Variants in PTPRD observed in about 807,000 individuals in gnomAD.
PTPRD encodes the protein receptor-type tyrosine-protein phosphatase delta.
PTPRD carries 34 observed loss-of-function variants against 214.5 expected under a neutral mutation model. The observed-to-expected ratio is 0.16, with a 90% CI of 0.12 to 0.21. The LOEUF (loss-of-function observed/expected upper bound fraction) is 0.21. PTPRD is among the 10% of genes least tolerant of loss of function. The probability of loss-of-function intolerance (pLI) is 1.00; values close to 1 mark genes in which losing one functional copy is unlikely to be tolerated. For missense variants in PTPRD, 2,545 were observed against 2,398.7 expected (o/e 1.06, Z -1.27); for synonymous variants, 1,128 against 845.7 (o/e 1.33, Z -5.79).
intron 2 of PTPRD, among the ~76,000 whole-genome samples, chr9:10,357,356 A>G (rs1396404367): frequency 6.6e-6 from 1 of 152,154 alleles, no homozygotes; most frequent in African/African-American, 2.4e-5. Flanking sequence ...TCGTTCCTTG[A>G]TAATAATTGG....
intron 11 of PTPRD, among the ~76,000 whole-genome samples, chr9:8,967,931 G>A (rs2099209200): frequency 1.3e-5 from 2 of 152,034 alleles, no homozygotes; most frequent in African/African-American, 2.4e-5. Context: ...AGGCCCCGGT[G>A]TGTGATGTTC....
chr9:10,447,158 T>C (rs981905708), intron 2 of PTPRD, among the ~76,000 whole-genome samples: 1 of 150,398 alleles, frequency 6.6e-6, no homozygotes, highest in African/African-American at 2.5e-5. Context: ...AAGTCTCCTT[T>C]CTAGATCTCC....
intron 10 of PTPRD, among the ~76,000 whole-genome samples, chr9:9,158,523 C>A (rs1396150933): frequency 6.6e-6 from 1 of 152,044 alleles, no homozygotes; most frequent in East Asian, 1.9e-4. Context: ...TTGCTTGAAC[C>A]CGGTAGGCAG....
intron 35 of PTPRD, among the ~76,000 whole-genome samples, chr9:8,425,450 G>A (rs904393454): frequency 9.3e-6 from 1 of 108,038 alleles, no homozygotes; most frequent in Non-Finnish European, 1.9e-5. Flanking sequence ...GCATGACCCT[G>A]AGCTGCAATG....
chr9:9,309,720 C>T (rs758595319), intron 9 of PTPRD, among the ~76,000 whole-genome samples: 7 of 152,142 alleles, frequency 4.6e-5, no homozygotes, highest in South Asian at 2.1e-4. Flanking sequence ...AATGGTACAA[C>T]GTTATTCTGC....
intron 5 of PTPRD, among the ~76,000 whole-genome samples, chr9:9,827,569 G>A (rs1044367940): frequency 2.6e-5 from 4 of 152,170 alleles, no homozygotes; most frequent in East Asian, 1.9e-4. Flanking sequence ...AGAAAACCTA[G>A]GCAATACCAT....
intron 10 of PTPRD, among the ~76,000 whole-genome samples, chr9:9,120,364 T>A (rs773188664): frequency 6.6e-6 from 1 of 152,206 alleles, no homozygotes; most frequent in Admixed American, 6.5e-5. Context: ...CAGGCACTTG[T>A]GGTGCTTTAG....
chr9:10,206,002 T>C (rs2099473766), intron 3 of PTPRD, among the ~76,000 whole-genome samples: 1 of 149,466 alleles, frequency 6.7e-6, no homozygotes. Flanking sequence ...GTCTGATATG[T>C]AAATCAACAA....
intron 9 of PTPRD, among the ~76,000 whole-genome samples, chr9:9,323,596 T>C (rs1967888635): frequency 6.6e-6 from 1 of 152,274 alleles, no homozygotes; most frequent in East Asian, 1.9e-4. Context: ...CATCATACTA[T>C]CTTATCTCAA....
At chr9:9,636,254 G>A (rs764495268) in intron 7 of PTPRD, among the ~76,000 whole-genome samples, 3 of 152,082 alleles carry the variant, frequency 2.0e-5, no homozygotes, top group Non-Finnish European at 4.4e-5. Flanking sequence ...GTATTTCCAT[G>A]GTACAGACTT....
chr9:8,873,378 T>G (rs2098335309), intron 11 of PTPRD, among the ~76,000 whole-genome samples: 1 of 152,196 alleles, frequency 6.6e-6, no homozygotes, highest in Admixed American at 6.5e-5. Context: ...AATTATTTCT[T>G]TAATATCTTC....
chr9:9,330,441 T>C (rs1439613223), intron 9 of PTPRD, among the ~76,000 whole-genome samples: 1 of 152,158 alleles, frequency 6.6e-6, no homozygotes, highest in African/African-American at 2.4e-5. Context: ...TTATATTCTA[T>C]ACATATAATT....
intron 11 of PTPRD, among the ~76,000 whole-genome samples, chr9:8,869,682 C>T (rs528959018): frequency 2.1e-4 from 32 of 150,532 alleles, no homozygotes; most frequent in African/African-American, 6.9e-4. Context: ...AAGAAGCTAG[C>T]GGCCTTTTTC....
At chr9:8,934,314 G>C (rs2098973948) in intron 11 of PTPRD, among the ~76,000 whole-genome samples, 1 of 147,368 alleles carries the variant, frequency 6.8e-6, no homozygotes, top group South Asian at 2.1e-4. Context: ...CCGAAATCAA[G>C]CCCTGCAGAC....
rs377081250 is a variant in PTPRD at position 9,344,028 on chromosome 9, T to C, written c.-203+53421A>G. ...TATGTATCTTAGGTGCTATATATGTTTATCTTCTAGATAGCCAAGTATACT... is the reference window on the plus strand; with the variant it reads ...TATGTATCTTAGGTGCTATATATGTCTATCTTCTAGATAGCCAAGTATACT... On this transcript the variant is annotated intron_variant, in intron 9 of 45. Coordinates refer to ENST00000381196, the MANE Select transcript of PTPRD (RefSeq NM_002839.4). Among the ~76,000 whole-genome samples the C allele has an allele frequency of 5.3e-5, 8 of 152,150 alleles. No individual in the cohort carries two copies. The East Asian group carries it at 9.6e-4, about 18-fold the overall frequency.
rs375539497 is a variant in PTPRD, at chr9:8,460,291, T to C, written c.3875+120A>G. The C allele has an allele frequency of 3.9e-4, 459 of 1,183,880 alleles. 1 individual carries two copies. Among genetic ancestry groups the C allele is most frequent in the Non-Finnish European group, 4.9e-4 (393 of 798,440 alleles). The allele number at this position is 1,183,880 out of a possible 1,614,324, so 73.3% of individuals were successfully genotyped here. A position where few individuals can be genotyped will look rare whatever the true frequency, so the allele number is the denominator to read the frequency against. On this transcript the variant is annotated intron_variant, in intron 33 of 45. Transcript: ENST00000381196. Reference sequence around the variant, plus strand: ...AATGTAAACACTTTTCCAAAAATAATTGAAATGGCACTGAAGTATTTCTAC... The same window carrying C: ...AATGTAAACACTTTTCCAAAAATAACTGAAATGGCACTGAAGTATTTCTAC...
chr9:8,499,865 G>T (rs2097355663), intron 24 of PTPRD, 25 bp from the exon 25 acceptor site: 6 of 1,578,350 alleles, frequency 3.8e-6, no homozygotes, highest in Admixed American at 1.9e-5. Context: ...TTGGATAAAA[G>T]AAATTATAGG....
chr9:9,741,520 T>C (rs1254153123), intron 6 of PTPRD, among the ~76,000 whole-genome samples: 1 of 152,154 alleles, frequency 6.6e-6, no homozygotes, highest in Non-Finnish European at 1.5e-5. Context: ...GTTTGTTACA[T>C]AGGTATACAT....
chr9:8,695,901 T>C (rs1397163980), intron 12 of PTPRD, among the ~76,000 whole-genome samples: 1 of 152,246 alleles, frequency 6.6e-6, no homozygotes, highest in Non-Finnish European at 1.5e-5. Flanking sequence ...TTGCTTTCTC[T>C]CTATTCTCAG....
Sources: allele counts gnomAD v4.1 joint callset (sites outside exome capture counted in the v4.1 genomes callset), GRCh38; gene constraint gnomAD v4.1.1; transcripts MANE v1.5; gene names NCBI Gene and HGNC (gene_info 2026-07-23, HGNC 2026-07-21).